Variants in COL4A2 observed in about 807,000 individuals in gnomAD.
The protein encoded by COL4A2 is collagen alpha-2(IV) chain.
In COL4A2, 99 loss-of-function variants were observed where a neutral mutation model predicts 200.2. The observed-to-expected ratio is 0.49, with a 90% confidence interval of 0.42 to 0.58. The LOEUF is 0.58. Ranked by LOEUF, COL4A2 falls within the 20% of genes least tolerant of loss-of-function variation. COL4A2 has a pLI of 0.00. For synonymous variants in COL4A2, 897 were observed against 900.6 expected (o/e 1.00, Z 0.07); for missense variants, 1,950 against 2,314.1 (o/e 0.84, Z 3.23).
Position 110,462,355 on chromosome 13 carries a change from G to A in COL4A2, c.1747G>A (p.Asp583Asn), listed in dbSNP as rs760848044. The change falls in exon 24 of 48, where the codon GAT (aspartate) becomes AAT (asparagine). Residue 583 changes from aspartate to asparagine, a missense_variant. Coordinates refer to ENST00000360467, the MANE Select transcript of COL4A2 (RefSeq NM_001846.4). ...TGGCAGCCCAGGCCGCGATGGGCTC[G>A]ATGGATTCCCCGGCCTCCCAGGCCC... ...DDGSPGRDGLDGFPGLPGPPG... is the reference protein window; with the variant it reads ...DDGSPGRDGLNGFPGLPGPPG... The A allele has an allele frequency of 9.3e-6, 15 of 1,613,710 alleles. No homozygotes were observed. The highest frequency in any genetic ancestry group is 4.5e-5 in the East Asian group (2 of 44,882).
chr13:110,446,966 C>A, intron 18 of COL4A2, 102 bp downstream of exon 18: 6 of 872,504 alleles, frequency 6.9e-6, no homozygotes, highest in East Asian at 2.7e-5. Context: ...TCTAAGCAAC[C>A]CTAAAACTTA....
chr13:110,421,712 T>G (rs1482508430), intron 4 of COL4A2, among the ~76,000 whole-genome samples: 1 of 152,236 alleles, frequency 6.6e-6, no homozygotes, highest in African/African-American at 2.4e-5. Context: ...GTTAGCTTTA[T>G]GCTATGTGAA....
chr13:110,496,550 G>A (rs974756276), intron 40 of COL4A2, among the ~76,000 whole-genome samples: 6 of 151,820 alleles, frequency 4.0e-5, no homozygotes, highest in African/African-American at 1.2e-4. Flanking sequence ...CTCAGCCAGC[G>A]GTGAGGATCT....
chr13:110,496,607 G>A (rs1484728330), intron 40 of COL4A2, among the ~76,000 whole-genome samples: 1 of 148,590 alleles, frequency 6.7e-6, no homozygotes, highest in Non-Finnish European at 1.5e-5. Context: ...AGGATCTAGG[G>A]TCAGTCCACG....
chr13:110,308,218 AGT>A (rs769235344), intron 3 of COL4A2, 95 bp downstream of exon 3: 56 of 1,402,048 alleles, frequency 4.0e-5, no homozygotes, highest in Non-Finnish European at 4.7e-5. Context: ...TGCGCTCCCG[AGT>A]GTGTGTGTGC....
chr13:110,489,849 C>G, intron 36 of COL4A2, 64 bp downstream of exon 36: 2 of 1,513,822 alleles, frequency 1.3e-6, no homozygotes, highest in Non-Finnish European at 1.8e-6. Flanking sequence ...TCTAGGAGCC[C>G]GACTTGCCAA....
chr13:110,482,771 G>C (rs770072696), intron 32 of COL4A2, 112 bp downstream of exon 32: 14 of 1,140,514 alleles, frequency 1.2e-5, no homozygotes, highest in African/African-American at 1.5e-5. Context: ...ATGCATCCAG[G>C]AACCCTAAAG....
chr13:110,423,388 A>G (rs1488472048), intron 4 of COL4A2, among the ~76,000 whole-genome samples: 1 of 152,116 alleles, frequency 6.6e-6, no homozygotes, highest in Non-Finnish European at 1.5e-5. Context: ...GGAGCTGAAC[A>G]ATGTGAACAC....
intron 4 of COL4A2, among the ~76,000 whole-genome samples, chr13:110,401,453 T>C (rs1225996340): frequency 6.6e-6 from 1 of 152,266 alleles, no homozygotes; most frequent in Non-Finnish European, 1.5e-5. Flanking sequence ...AATGGAGCTC[T>C]GTTTATATGT....
rs568460163 is a variant in COL4A2 at position 110,372,648 on chromosome 13, C to T, written c.180+15096C>T. Reference sequence around the variant, plus strand: ...TGCCAAGAGAGATAACCTGAAAAGACAGAAAATTGCCAACTTAAACTGTAG... The same window carrying T: ...TGCCAAGAGAGATAACCTGAAAAGATAGAAAATTGCCAACTTAAACTGTAG... On this transcript the variant is annotated intron_variant, in intron 4 of 47. Transcript: ENST00000360467. Among the ~76,000 whole-genome samples, 8 of 152,294 alleles carry T rather than the reference C, an allele frequency of 5.3e-5. No homozygotes were observed. In the East Asian group the frequency reaches 1.5e-3, roughly 29 times the overall value.
At chr13:110,468,259 CT>C (rs1594090657) in intron 27 of COL4A2, 2 of 471,694 alleles carry the variant, frequency 4.2e-6, no homozygotes, top group Non-Finnish European at 8.8e-6. Flanking sequence ...GTAAAGGCTC[CT>C]TGTGTTGTCT....
chr13:110,439,199 G>A (rs943014715), intron 15 of COL4A2, among the ~76,000 whole-genome samples: 2 of 152,154 alleles, frequency 1.3e-5, no homozygotes, highest in African/African-American at 4.8e-5. Flanking sequence ...CTAGCTGAGG[G>A]CTGGGACGGG....
intron 45 of COL4A2, 60 bp downstream of exon 45, chr13:110,504,324 C>CT: frequency 7.1e-7 from 1 of 1,403,710 alleles, no homozygotes; most frequent in South Asian, 1.2e-5. Context: ...GACTCACAGA[C>CT]TGTGGTCTGC....
At chr13:110,312,506 A>G (rs1202497661) in intron 3 of COL4A2, among the ~76,000 whole-genome samples, 1 of 152,214 alleles carries the variant, frequency 6.6e-6, no homozygotes. Flanking sequence ...TCAAGGGAAA[A>G]ACTGAGTGCC....
At chr13:110,450,264 A>T (rs900205497) in intron 19 of COL4A2, 41 bp from the exon 20 acceptor site, 1 of 1,584,932 alleles carries the variant, frequency 6.3e-7, no homozygotes, top group Admixed American at 1.7e-5. Flanking sequence ...GCGGTGTGGT[A>T]TGGGAGACTC....
At chr13:110,449,897 T>C (rs1424508612) in intron 19 of COL4A2, 108 bp downstream of exon 19, 4 of 1,250,508 alleles carry the variant, frequency 3.2e-6, no homozygotes, top group Non-Finnish European at 3.3e-6. Flanking sequence ...CGTTGTTACT[T>C]TTCCCCACTG....
At chr13:110,310,684 C>T (rs4773145) in intron 3 of COL4A2, among the ~76,000 whole-genome samples, 76,036 of 151,900 alleles carry the variant, frequency 0.5, 20,006 homozygotes, top group South Asian at 0.58. Flanking sequence ...CTCTTTCCTG[C>T]GTAGGTCAGT....
intron 4 of COL4A2, among the ~76,000 whole-genome samples, chr13:110,409,569 T>C (rs1879751874): frequency 6.6e-6 from 1 of 152,266 alleles, no homozygotes. Context: ...TTGATTTCTC[T>C]TTTAACAAGT....
chr13:110,405,820 T>C (rs2139434666), intron 4 of COL4A2, among the ~76,000 whole-genome samples: 1 of 152,358 alleles, frequency 6.6e-6, no homozygotes, highest in Non-Finnish European at 1.5e-5. Context: ...GTTTTAATGC[T>C]GCTCAATGGA....
Sources: allele counts gnomAD v4.1 joint callset (sites outside exome capture counted in the v4.1 genomes callset), GRCh38; gene constraint gnomAD v4.1.1; transcripts MANE v1.5; gene names NCBI Gene and HGNC (gene_info 2026-07-23, HGNC 2026-07-21).